Variants in XYLT1 observed in about 807,000 individuals in gnomAD.
XYLT1 encodes beta-D-xylosyltransferase 1.
Under a neutral mutation model 91.3 loss-of-function variants are expected in XYLT1, and 36 were observed. That is an observed-to-expected ratio of 0.39 (90% CI 0.30 to 0.52). The LOEUF (loss-of-function observed/expected upper bound fraction) is 0.52. Ranked by LOEUF, XYLT1 falls within the 20% of genes least tolerant of loss-of-function variation. The pLI is 0.68. For synonymous variants in XYLT1, 588 were observed against 532.0 expected, an observed-to-expected ratio of 1.11 and a Z score of -1.45; for missense variants, 1,242 against 1,284.5, an observed-to-expected ratio of 0.97 and a Z score of 0.51.
chr16:17,172,709 G>A (rs1377623539), intron 5 of XYLT1, among the ~76,000 whole-genome samples: 3 of 152,158 alleles, frequency 2.0e-5, no homozygotes, highest in African/African-American at 7.2e-5. Flanking sequence ...CTGACCTCAG[G>A]TGATCCGCCT....
Position 17,325,672 on chromosome 16 carries a change from G to A in XYLT1, c.402+32340C>T, listed in dbSNP as rs565904994. On this transcript the variant is annotated intron_variant, in intron 2 of 11. Transcript: ENST00000261381. ...TTGGTCATTTTCCAAATTTCCAACC[G>A]TGGGAATATATTGCCTTATGAGTGG... 2.1e-4 allele frequency among the ~76,000 whole-genome samples: 32 copies of A among 152,192 alleles called. No homozygotes were observed. In the South Asian group the frequency reaches 6.4e-3, roughly 31 times the overall value.
At chr16:17,220,357 A>T (rs1465975465) in intron 3 of XYLT1, among the ~76,000 whole-genome samples, 1 of 152,210 alleles carries the variant, frequency 6.6e-6, no homozygotes, top group Non-Finnish European at 1.5e-5. Flanking sequence ...GCAAGCTGTC[A>T]CCCAGGCCAG....
chr16:17,458,577 T>C (rs2036774608), intron 1 of XYLT1, among the ~76,000 whole-genome samples: 1 of 152,112 alleles, frequency 6.6e-6, no homozygotes, highest in Non-Finnish European at 1.5e-5. Context: ...TCCTTTCCAC[T>C]TGAACTTCAG....
intron 1 of XYLT1, among the ~76,000 whole-genome samples, chr16:17,437,688 T>G (rs1257285333): frequency 6.6e-6 from 1 of 152,058 alleles, no homozygotes; most frequent in Non-Finnish European, 1.5e-5. Context: ...ATCAGATCGC[T>G]CCTTCAAAAT....
intron 1 of XYLT1, among the ~76,000 whole-genome samples, chr16:17,411,638 G>A (rs1389646263): frequency 2.6e-5 from 4 of 152,172 alleles, no homozygotes; most frequent in African/African-American, 9.7e-5. Flanking sequence ...CTCTGAGTTT[G>A]GGGGTCACTG....
At chr16:17,436,222 T>C (rs1290645517) in intron 1 of XYLT1, among the ~76,000 whole-genome samples, 1 of 152,314 alleles carries the variant, frequency 6.6e-6, no homozygotes, top group African/African-American at 2.4e-5. Flanking sequence ...CTTTCCTTTA[T>C]AAATTACTCA....
intron 4 of XYLT1, among the ~76,000 whole-genome samples, chr16:17,198,864 C>A (rs2032481654): frequency 6.6e-6 from 1 of 152,204 alleles, no homozygotes; most frequent in East Asian, 1.9e-4. Context: ...CCTGCCTCAG[C>A]TTCCCAAGTA....
intron 2 of XYLT1, among the ~76,000 whole-genome samples, chr16:17,297,817 C>A (rs998559581): frequency 2.0e-5 from 3 of 152,006 alleles, no homozygotes; most frequent in African/African-American, 7.2e-5. Context: ...GTCAGGAGAT[C>A]GAGACCATCC....
intron 3 of XYLT1, among the ~76,000 whole-genome samples, chr16:17,252,136 A>T (rs2033551247): frequency 6.6e-6 from 1 of 151,468 alleles, no homozygotes; most frequent in African/African-American, 2.4e-5. Context: ...GAAAAAAAAA[A>T]GTCATTGTGG....
intron 2 of XYLT1, among the ~76,000 whole-genome samples, chr16:17,263,920 G>A (rs1001473000): frequency 1.3e-5 from 2 of 152,062 alleles, no homozygotes. Flanking sequence ...TGTTGGCCAG[G>A]CTGGTCTCGA....
At chr16:17,158,995 A>G in intron 5 of XYLT1, 86 bp from the exon 6 acceptor site, 1 of 1,217,028 alleles carries the variant, frequency 8.2e-7, no homozygotes, top group East Asian at 2.3e-5. Context: ...CAATTATGTC[A>G]GTCTGCTTGA....
At chr16:17,424,652 G>A (rs1567198295) in intron 1 of XYLT1, among the ~76,000 whole-genome samples, 1 of 152,024 alleles carries the variant, frequency 6.6e-6, no homozygotes, top group Non-Finnish European at 1.5e-5. Context: ...GGCGGATCAC[G>A]AGGTCAGGAG....
chr16:17,311,904 T>C (rs370593379), intron 2 of XYLT1, among the ~76,000 whole-genome samples: 1 of 149,524 alleles, frequency 6.7e-6, no homozygotes, highest in East Asian at 2.0e-4. Context: ...TCATGAGACT[T>C]ATTCACTACA....
rs192142435 is a variant in XYLT1, at chr16:17,260,866, C to G, written c.403-1368G>C. On this transcript the variant is annotated intron_variant, in intron 2 of 11. Coordinates refer to ENST00000261381, the MANE Select transcript of XYLT1 (RefSeq NM_022166.4). ...TCTGCTGGAGTGTGAGTTAAAAGGC[C>G]TCCTCCTCTGGGACTGGGTTAGTTG... 9.3e-4 allele frequency among the ~76,000 whole-genome samples: 142 copies of G among 152,256 alleles called. 1 individual carries two copies. Among genetic ancestry groups the G allele is most frequent in the Non-Finnish European group, 1.5e-3 (100 of 68,030 alleles).
At chr16:17,137,923 A>G (rs1199100222) in intron 8 of XYLT1, among the ~76,000 whole-genome samples, 2 of 152,200 alleles carry the variant, frequency 1.3e-5, no homozygotes, top group East Asian at 1.9e-4. Context: ...TCCAGCCACA[A>G]TGGCAAGAGT....
At chr16:17,406,991 T>C (rs1258001944) in intron 1 of XYLT1, among the ~76,000 whole-genome samples, 2 of 151,784 alleles carry the variant, frequency 1.3e-5, no homozygotes, top group African/African-American at 4.8e-5. Context: ...TGCTGCTTCT[T>C]TATTTTTATT....
chr16:17,198,516 G>A (rs2032475933), intron 4 of XYLT1, 102 bp from the exon 5 acceptor site: 1 of 1,137,164 alleles, frequency 8.8e-7, no homozygotes, highest in Admixed American at 2.4e-5. Flanking sequence ...TCCTGGTTGG[G>A]CACTTCTGAG....
chr16:17,250,435 T>C (rs2033518987), intron 3 of XYLT1: 1 of 152,202 alleles, frequency 6.6e-6, no homozygotes. Flanking sequence ...ACAATGGTCA[T>C]TTGTTGATGT....
rs891140890 is a variant in XYLT1 at position 17,108,026 on chromosome 16, C to T, written c.*669G>A. The T allele has an allele frequency of 3.9e-5, 6 of 152,616 alleles. No homozygotes were observed. The highest frequency in any genetic ancestry group is 9.7e-5 in the African/African-American group (4 of 41,444). 9.5% of individuals were successfully genotyped at this position (152,616 alleles called of 1,614,324 possible). A position where few individuals can be genotyped will look rare whatever the true frequency, so the allele number is the denominator to read the frequency against. On this transcript the variant is annotated 3_prime_UTR_variant, in exon 12 of 12. Transcript: ENST00000261381. ...GGGCTGCTGAGAGGCTCAGAGCTCT[C>T]CTAAGGCTGCAGCCTCCATGGGAAA...
Sources: gnomAD v4.1 joint callset for allele counts (sites outside exome capture counted in the v4.1 genomes callset) on GRCh38, gnomAD v4.1.1 for gene constraint, MANE v1.5 for transcripts, NCBI Gene and HGNC (gene_info 2026-07-23, HGNC 2026-07-21) for gene names.